RUNX1: variants seen among roughly 807,000 people sequenced by gnomAD.
The protein encoded by RUNX1 is RUNX family transcription factor 1, also known as runt-related transcription factor 1.
Under a neutral mutation model 42.8 loss-of-function variants are expected in RUNX1, and 19 were observed. The ratio of observed to expected loss-of-function variants is 0.44; its 90% CI spans 0.31 to 0.65. The LOEUF (loss-of-function observed/expected upper bound fraction) is 0.65. RUNX1 is among the 30% of genes least tolerant of loss of function. The pLI is 0.07. For synonymous variants in RUNX1, 271 were observed against 289.4 expected, an observed-to-expected ratio of 0.94 and a Z score of 0.64; for missense variants, 528 against 672.0, an observed-to-expected ratio of 0.79 and a Z score of 2.37.
At chr21:35,003,057 T>G (rs893740246) in intron 2 of RUNX1, among the ~76,000 whole-genome samples, 19 of 152,182 alleles carry the variant, frequency 1.2e-4, no homozygotes, top group African/African-American at 4.3e-4. Context: ...AAAGAAGTGG[T>G]GAGTTCATCT....
chr21:34,997,785 G>C (rs2059008201), intron 2 of RUNX1, among the ~76,000 whole-genome samples: 1 of 152,176 alleles, frequency 6.6e-6, no homozygotes, highest in Non-Finnish European at 1.5e-5. Context: ...GCCTTGCCAG[G>C]CACTATTCTT....
intron 2 of RUNX1, among the ~76,000 whole-genome samples, chr21:35,021,771 G>C (rs1469321486): frequency 6.6e-6 from 1 of 152,152 alleles, no homozygotes; most frequent in Non-Finnish European, 1.5e-5. Flanking sequence ...GGTGGGAGCG[G>C]GCCCTGCCTC....
At chr21:34,943,050 G>A (rs766328100) in intron 2 of RUNX1, among the ~76,000 whole-genome samples, 32 of 152,178 alleles carry the variant, frequency 2.1e-4, no homozygotes, top group Non-Finnish European at 3.7e-4. Flanking sequence ...ATTGGCACGC[G>A]GTCAATCTCT....
At chr21:35,008,490 A>G (rs2059101916) in intron 2 of RUNX1, among the ~76,000 whole-genome samples, 1 of 152,242 alleles carries the variant, frequency 6.6e-6, no homozygotes, top group Non-Finnish European at 1.5e-5. Context: ...GGCTTGTCTC[A>G]GCTTTGGGCT....
chr21:34,838,184 C>T (rs1601422868), intron 6 of RUNX1, among the ~76,000 whole-genome samples: 1 of 152,200 alleles, frequency 6.6e-6, no homozygotes, highest in Middle Eastern at 3.4e-3. Context: ...TCGTTGATAA[C>T]CGAGCTGCCT....
intron 7 of RUNX1, among the ~76,000 whole-genome samples, chr21:34,813,982 A>T (rs1431019953): frequency 6.6e-6 from 1 of 152,190 alleles, no homozygotes; most frequent in East Asian, 1.9e-4. Context: ...ATAGTTAGAA[A>T]CTATAACCCT....
intron 5 of RUNX1, among the ~76,000 whole-genome samples, chr21:34,870,235 C>G (rs2057717856): frequency 6.6e-6 from 1 of 152,196 alleles, no homozygotes; most frequent in Non-Finnish European, 1.5e-5. Flanking sequence ...CACAGAGTCC[C>G]CATTGTCTGC....
intron 5 of RUNX1, among the ~76,000 whole-genome samples, chr21:34,870,960 AAAAAAC>A (rs1054688806): frequency 3.9e-5 from 6 of 152,186 alleles, no homozygotes; most frequent in Non-Finnish European, 5.9e-5. Flanking sequence ...CCATCTCAAA[AAAAAAC>A]AAAAACAAAA....
chr21:35,047,344 C>G (rs907689452), intron 2 of RUNX1, among the ~76,000 whole-genome samples: 15 of 152,138 alleles, frequency 9.9e-5, no homozygotes, highest in Admixed American at 9.8e-4. Context: ...TGTTACCAAC[C>G]AAACGACGCT....
intron 2 of RUNX1, among the ~76,000 whole-genome samples, chr21:34,991,304 T>C (rs2058936181): frequency 6.9e-6 from 1 of 145,860 alleles, no homozygotes; most frequent in Admixed American, 7.1e-5. Flanking sequence ...AGATACCCCT[T>C]GTTAAAGAGA....
chr21:34,971,408 T>C (rs1254095633), intron 2 of RUNX1, among the ~76,000 whole-genome samples: 1 of 152,202 alleles, frequency 6.6e-6, no homozygotes, highest in Non-Finnish European at 1.5e-5. Flanking sequence ...TTATAATCAC[T>C]CTAAAGAATG....
intron 5 of RUNX1, among the ~76,000 whole-genome samples, chr21:34,873,411 T>C (rs184278339): frequency 6.6e-6 from 1 of 152,352 alleles, no homozygotes; most frequent in East Asian, 1.9e-4. Context: ...GCCCTGCCCA[T>C]ACATTCTTAA....
At chr21:34,905,808 T>A (rs1172673236) in intron 2 of RUNX1, among the ~76,000 whole-genome samples, 1 of 152,216 alleles carries the variant, frequency 6.6e-6, no homozygotes, top group Non-Finnish European at 1.5e-5. Flanking sequence ...GGGATAAATA[T>A]CTAGAAAATG....
At chr21:34,800,434 T>C (rs2056592667) in intron 7 of RUNX1, among the ~76,000 whole-genome samples, 1 of 152,236 alleles carries the variant, frequency 6.6e-6, no homozygotes, top group South Asian at 2.1e-4. Context: ...ATGTCCCAAC[T>C]TTGTGGACAA....
At chr21:34,833,869 T>G in intron 7 of RUNX1, 1 of 241,042 alleles carries the variant, frequency 4.1e-6, no homozygotes, top group Non-Finnish European at 8.5e-6. Context: ...GGGACCTGCA[T>G]TCTCTATTGA....
In RUNX1 at chr21:34,788,070, C is replaced by G. The variant is rs1350554127; in HGVS notation, c.*4065G>C. 1.3e-5 allele frequency: 3 copies of G among 233,180 alleles called. No individual in the cohort carries two copies. The highest frequency in any genetic ancestry group is 2.2e-5 in the African/African-American group (1 of 45,334). 14.4% of individuals were successfully genotyped at this position (233,180 alleles called of 1,614,324 possible). On this transcript the variant is annotated 3_prime_UTR_variant, in exon 9 of 9. Coordinates refer to ENST00000675419, the MANE Select transcript of RUNX1 (RefSeq NM_001754.5). ...CTTGGAGAGAGGGTTCTGGGATATT[C>G]TCTCATGTCATCTGGCTGAAGACAC...
At chr21:34,832,479 C>T (rs1327539910) in intron 7 of RUNX1, among the ~76,000 whole-genome samples, 1 of 152,110 alleles carries the variant, frequency 6.6e-6, no homozygotes, top group Non-Finnish European at 1.5e-5. Context: ...CAGAAAAAGG[C>T]AAATCCCTTA....
intron 6 of RUNX1, among the ~76,000 whole-genome samples, chr21:34,853,864 G>A (rs2057459823): frequency 6.7e-6 from 1 of 148,568 alleles, no homozygotes; most frequent in African/African-American, 2.5e-5. Context: ...CCAGGCTGGA[G>A]TACAGTGGCA....
intron 6 of RUNX1, among the ~76,000 whole-genome samples, chr21:34,844,074 A>T (rs1014412688): frequency 3.3e-5 from 5 of 152,160 alleles, no homozygotes; most frequent in African/African-American, 9.7e-5. Context: ...TTAAGGTCTT[A>T]TCTCAAGGAA....
Sources: gnomAD v4.1 joint callset for allele counts (sites outside exome capture counted in the v4.1 genomes callset) on GRCh38, gnomAD v4.1.1 for gene constraint, MANE v1.5 for transcripts, NCBI Gene and HGNC (gene_info 2026-07-23, HGNC 2026-07-21) for gene names.